Variants in NCR3LG1 observed in about 807,000 individuals in gnomAD.
NCR3LG1 encodes natural killer cell cytotoxicity receptor 3 ligand 1, also known as natural cytotoxicity triggering receptor 3 ligand 1.
A neutral mutation model predicts 34.8 loss-of-function variants in NCR3LG1; 35 were observed. The ratio of observed to expected loss-of-function variants is 1.01; its 90% CI spans 0.77 to 1.33. The LOEUF (loss-of-function observed/expected upper bound fraction) is 1.33, where lower values mean the gene tolerates loss of function less well. Ranked by LOEUF, NCR3LG1 falls within the 40% of genes most tolerant of loss-of-function variation. NCR3LG1 has a pLI of 0.00. For synonymous variants in NCR3LG1, 173 were observed against 163.6 expected (o/e 1.06, Z -0.44); for missense variants, 452 against 423.3 (o/e 1.07, Z -0.60).
intron 1 of NCR3LG1, among the ~76,000 whole-genome samples, chr11:17,353,470 A>G (rs1347851293): frequency 1.3e-5 from 2 of 151,378 alleles, no homozygotes; most frequent in Non-Finnish European, 2.9e-5. Context: ...TCCGCGCTCT[A>G]TCAGTCTGGG....
At chr11:17,378,365 T>G (rs140572545), downstream of NCR3LG1, among the ~76,000 whole-genome samples, 420 of 152,276 alleles carry the variant, frequency 2.8e-3, no homozygotes, top group African/African-American at 9.5e-3. Context: ...TTAAATGGAT[T>G]CCAGTCTTCT....
chr11:17,364,496 G>A (rs901040277), intron 2 of NCR3LG1, among the ~76,000 whole-genome samples: 1 of 150,802 alleles, frequency 6.6e-6, no homozygotes, highest in Non-Finnish European at 1.5e-5. Flanking sequence ...ACCGTGCCCA[G>A]TTTGGGAAGT....
chr11:17,364,567 A>T (rs1298467612), intron 2 of NCR3LG1, among the ~76,000 whole-genome samples: 1 of 146,190 alleles, frequency 6.8e-6, no homozygotes, highest in Non-Finnish European at 1.5e-5. Flanking sequence ...TTTTTTTGAG[A>T]CGGAGTTTTG....
chr11:17,366,534 C>A (rs986923380), intron 2 of NCR3LG1, among the ~76,000 whole-genome samples: 6 of 152,182 alleles, frequency 3.9e-5, no homozygotes, highest in South Asian at 4.1e-4. Context: ...GAGCAATTAG[C>A]AGTCTCTACC....
intron 1 of NCR3LG1, 75 bp from the exon 2 acceptor site, chr11:17,356,576 A>G (rs1264027418): frequency 9.2e-7 from 1 of 1,092,502 alleles, no homozygotes; most frequent in East Asian, 2.6e-5. Flanking sequence ...GGACTCAAGC[A>G]TTCAGTCCAT....
In NCR3LG1 at chr11:17,367,273, T is replaced by C; in HGVS notation, c.686T>C (p.Val229Ala). ...QEDPGTVYQCVVRHASLHTPL... is the reference protein window; with the variant it reads ...QEDPGTVYQCAVRHASLHTPL... ...GACCCTGGGACTGTCTACCAGTGTG[T>C]GGTACGGCATGCGTCCTTGCATACC... The change falls in exon 3 of 5, where the codon GTG (valine) becomes GCG (alanine). Residue 229 changes from valine (V) to alanine (A), a missense_variant. By Grantham distance (64) the Val-to-Ala change is moderately conservative. Transcript: ENST00000338965. 2.0e-6 allele frequency: 3 copies of C among 1,536,244 alleles called. No homozygotes were observed. Among genetic ancestry groups the C allele is most frequent in the Non-Finnish European group, 2.6e-6 (3 of 1,146,924 alleles).
chr11:17,362,962 C>T (rs577314374), intron 2 of NCR3LG1, among the ~76,000 whole-genome samples: 1 of 135,522 alleles, frequency 7.4e-6, no homozygotes, highest in East Asian at 2.4e-4. Flanking sequence ...GCTTTGCTGT[C>T]CAGGCTGGAG....
intron 2 of NCR3LG1, among the ~76,000 whole-genome samples, chr11:17,357,397 C>A (rs371206087): frequency 1.3e-5 from 2 of 152,132 alleles, no homozygotes; most frequent in African/African-American, 4.8e-5. Context: ...ATCCTAATAA[C>A]CCCATTTTTA....
At chr11:17,353,457 G>A (rs1386374956) in intron 1 of NCR3LG1, among the ~76,000 whole-genome samples, 1 of 152,244 alleles carries the variant, frequency 6.6e-6, no homozygotes, top group East Asian at 1.9e-4. Flanking sequence ...GTCTGGAAAC[G>A]CCTCCGCGCT....
chr11:17,380,837 A>T (rs145883836), downstream of NCR3LG1: 2 of 152,280 alleles, frequency 1.3e-5, no homozygotes, highest in African/African-American at 4.8e-5. Flanking sequence ...GTATATGTAA[A>T]CATTTATTTC....
chr11:17,367,195 T>G lies in NCR3LG1; in HGVS notation c.608T>G (p.Met203Arg). Residue 203 changes from methionine (M) to arginine (R), a missense_variant, in exon 3 of 5, where the codon ATG becomes AGG. Transcript: ENST00000338965. ...ATCACTGGTCCCACCATCAAGAATA[T>G]GGATGGCACATTTAATGTCACTAGC... is the stretch of plus-strand genomic sequence containing the variant. ...DVITGPTIKN[M>R]DGTFNVTSCL... 1 of 1,536,578 alleles carries G rather than the reference T, an allele frequency of 6.5e-7. No individual in the cohort carries two copies. The highest frequency in any genetic ancestry group is 1.2e-5 in the South Asian group (1 of 84,064).
At position 17,357,633 on chromosome 11, in the gene NCR3LG1, C is replaced by G. The variant is rs376973885; in HGVS notation, c.421+632C>G. Among the ~76,000 whole-genome samples the G allele has an allele frequency of 4.0e-4, 60 of 149,862 alleles. 1 individual carries two copies. The South Asian group carries it at 0.012, about 31-fold the overall frequency. ...GCAACTGACAGAGGAATAACAGTGA[C>G]AGTGGCTATATATACGGCCAACTGA... On this transcript the variant is annotated intron_variant, in intron 2 of 4. Transcript: ENST00000338965.
chr11:17,374,811 A>T lies in NCR3LG1; in HGVS notation c.*2299A>T, dbSNP rs1297534293. 6.6e-6 allele frequency: 1 copy of T among 152,200 alleles called. No homozygotes were observed. Among genetic ancestry groups the T allele is most frequent in the Non-Finnish European group, 1.5e-5 (1 of 68,016 alleles). The allele number at this position is 152,200 out of a possible 1,614,324, so 9.4% of individuals were successfully genotyped here. A position where few individuals can be genotyped will look rare whatever the true frequency, so the allele number is the denominator to read the frequency against. On this transcript the variant is annotated 3_prime_UTR_variant, in exon 5 of 5. Coordinates refer to ENST00000338965, the MANE Select transcript of NCR3LG1 (RefSeq NM_001202439.3). ...ACTCACTTCCTGACCTGGGAACCTG[A>T]AGGTCAAAAGGCCATTAATCAGTTA...
At chr11:17,368,539 G>C (rs1953372650) in intron 3 of NCR3LG1, among the ~76,000 whole-genome samples, 1 of 152,146 alleles carries the variant, frequency 6.6e-6, no homozygotes, top group African/African-American at 2.4e-5. Flanking sequence ...AATATACCTT[G>C]CATGTATGGT....
chr11:17,371,083 A>T (rs890305649), intron 4 of NCR3LG1, among the ~76,000 whole-genome samples: 1 of 152,162 alleles, frequency 6.6e-6, no homozygotes, highest in Non-Finnish European at 1.5e-5. Context: ...CCTTTTCTCC[A>T]TCAGGTTGTT....
intron 4 of NCR3LG1, among the ~76,000 whole-genome samples, chr11:17,370,299 A>G (rs751647649): frequency 1.3e-5 from 2 of 152,160 alleles, no homozygotes; most frequent in Non-Finnish European, 2.9e-5. Context: ...TTTCTTGGTC[A>G]TGAGACAAAG....
chr11:17,362,691 CCTTT>C (rs757163762), intron 2 of NCR3LG1, among the ~76,000 whole-genome samples: 3,045 of 32,560 alleles, frequency 0.094, 57 homozygotes, highest in Middle Eastern at 0.12. Flanking sequence ...TTCCTTCCTT[CCTTT>C]CTTTCTTTCT....
Position 17,351,964 on chromosome 11 carries a change from G to A in NCR3LG1, c.-6G>A, listed in dbSNP as rs2139721427. 6.5e-7 allele frequency: 1 copy of A among 1,530,450 alleles called. No homozygotes were observed. 94.8% of individuals were successfully genotyped at this position (1,530,450 alleles called of 1,614,324 possible). A position where few individuals can be genotyped will look rare whatever the true frequency, so the allele number is the denominator to read the frequency against. On this transcript the variant is annotated 5_prime_UTR_variant, in exon 1 of 5. Coordinates refer to ENST00000338965, the MANE Select transcript of NCR3LG1 (RefSeq NM_001202439.3). ...CGAAAAAAATTACACAACAGCAGCCGCGGCGATGACGTGGAGGGCTGCCGC... is the reference window on the plus strand; with the variant it reads ...CGAAAAAAATTACACAACAGCAGCCACGGCGATGACGTGGAGGGCTGCCGC...
downstream of NCR3LG1, among the ~76,000 whole-genome samples, chr11:17,380,438 C>A (rs188517968): frequency 1.1e-4 from 16 of 152,206 alleles, no homozygotes; most frequent in East Asian, 1.9e-3. Context: ...TCTGGCCACC[C>A]ACAACTCTGA....
Sources: gnomAD v4.1 joint callset for allele counts (sites outside exome capture counted in the v4.1 genomes callset) on GRCh38, gnomAD v4.1.1 for gene constraint, MANE v1.5 for transcripts, NCBI Gene and HGNC (gene_info 2026-07-23, HGNC 2026-07-21) for gene names.